CTNNA3: variants seen among roughly 807,000 people sequenced by gnomAD.
CTNNA3 encodes the protein catenin alpha-3.
A neutral mutation model predicts 95.7 loss-of-function variants in CTNNA3; 76 were observed. The ratio of observed to expected loss-of-function variants is 0.79; its 90% CI spans 0.66 to 0.96. The LOEUF is 0.96. Ranked by LOEUF, CTNNA3 falls within the 40% of genes least tolerant of loss-of-function variation. The pLI, the probability that CTNNA3 is intolerant of heterozygous loss-of-function variation, is 0.00. For missense variants in CTNNA3, 1,191 were observed against 1,089.8 expected (o/e 1.09, Z -1.31); for synonymous variants, 431 against 374.4 (o/e 1.15, Z -1.74).
rs1013813581 is a variant in CTNNA3 at position 66,550,687 on chromosome 10, G to T, written c.1375-29914C>A. Among the ~76,000 whole-genome samples the T allele has an allele frequency of 3.3e-5, 5 of 151,904 alleles. No individual in the cohort carries two copies. In the East Asian group the frequency reaches 5.8e-4, roughly 18 times the overall value. ...AGATCTACCGTTTTATTATTATTTTGTTGTTCCTCTATTCCCACTTCTTTG... is the reference window on the plus strand; with the variant it reads ...AGATCTACCGTTTTATTATTATTTTTTTGTTCCTCTATTCCCACTTCTTTG... On this transcript the variant is annotated intron_variant, in intron 10 of 17. Coordinates refer to ENST00000433211, the MANE Select transcript of CTNNA3 (RefSeq NM_013266.4).
intron 9 of CTNNA3, among the ~76,000 whole-genome samples, chr10:66,689,861 T>G (rs924528917): frequency 3.3e-5 from 5 of 152,172 alleles, no homozygotes; most frequent in African/African-American, 4.8e-5. Context: ...GCAGCTGGGA[T>G]TTCACAGTAT....
intron 7 of CTNNA3, among the ~76,000 whole-genome samples, chr10:66,845,988 C>T (rs574448946): frequency 2.6e-5 from 4 of 151,762 alleles, no homozygotes; most frequent in Admixed American, 1.3e-4. Context: ...CAAATTTAGC[C>T]GGGCATGGTG....
chr10:66,681,608 A>G (rs1157369054), intron 9 of CTNNA3, among the ~76,000 whole-genome samples: 1 of 152,166 alleles, frequency 6.6e-6, no homozygotes, highest in Admixed American at 6.6e-5. Flanking sequence ...CTCTTGTAGC[A>G]AAAGGACTTT....
At chr10:67,416,366 T>G (rs1845538618) in intron 5 of CTNNA3, among the ~76,000 whole-genome samples, 2 of 151,292 alleles carry the variant, frequency 1.3e-5, no homozygotes, top group South Asian at 4.2e-4. Context: ...CCAGCACCTT[T>G]GGGAGGCCGA....
intron 17 of CTNNA3, among the ~76,000 whole-genome samples, chr10:65,962,421 T>C (rs1901666): frequency 0.11 from 16,345 of 152,158 alleles, 1,104 homozygotes; most frequent in East Asian, 0.2. Context: ...AATTCTTTCT[T>C]CTTTTTCACC....
chr10:67,064,909 A>G (rs1267726738), intron 7 of CTNNA3, among the ~76,000 whole-genome samples: 1 of 152,204 alleles, frequency 6.6e-6, no homozygotes, highest in Non-Finnish European at 1.5e-5. Flanking sequence ...AGGAGAAAAA[A>G]GTTATATGAG....
chr10:67,421,300 G>C (rs968016956), intron 5 of CTNNA3, among the ~76,000 whole-genome samples: 1 of 152,230 alleles, frequency 6.6e-6, no homozygotes, highest in African/African-American at 2.4e-5. Context: ...CATGGATTCA[G>C]CTGTGGAGAT....
chr10:66,250,549 C>T (rs1448836137), intron 13 of CTNNA3, among the ~76,000 whole-genome samples: 4 of 152,198 alleles, frequency 2.6e-5, no homozygotes, highest in African/African-American at 9.6e-5. Flanking sequence ...TATAATCACA[C>T]CTACTATGTA....
chr10:66,392,472 A>T (rs1475107445), intron 11 of CTNNA3, among the ~76,000 whole-genome samples: 1 of 152,022 alleles, frequency 6.6e-6, no homozygotes, highest in African/African-American at 2.4e-5. Context: ...ACAGACTGGA[A>T]GATAACATTT....
chr10:66,625,586 G>C (rs1312667956), intron 9 of CTNNA3, among the ~76,000 whole-genome samples: 1 of 151,854 alleles, frequency 6.6e-6, no homozygotes, highest in African/African-American at 2.4e-5. Context: ...ACGGGGTTTC[G>C]CCATGTTGGC....
intron 17 of CTNNA3, among the ~76,000 whole-genome samples, chr10:65,924,865 C>T (rs1426831267): frequency 6.6e-6 from 1 of 152,192 alleles, no homozygotes. Context: ...TCATGTCTTA[C>T]ATGGTGGCAG....
At chr10:67,613,300 G>A (rs1430163970) in intron 2 of CTNNA3, among the ~76,000 whole-genome samples, 1 of 151,936 alleles carries the variant, frequency 6.6e-6, no homozygotes, top group Non-Finnish European at 1.5e-5. Context: ...AAGGACAGGG[G>A]CCGTGCTTGA....
At chr10:66,948,629 A>G (rs376371649) in intron 7 of CTNNA3, among the ~76,000 whole-genome samples, 1 of 152,198 alleles carries the variant, frequency 6.6e-6, no homozygotes, top group Admixed American at 6.5e-5. Context: ...TATAAAATTT[A>G]TATCTACAGG....
intron 9 of CTNNA3, among the ~76,000 whole-genome samples, chr10:66,694,115 G>C (rs1847665466): frequency 6.6e-6 from 1 of 152,220 alleles, no homozygotes; most frequent in Non-Finnish European, 1.5e-5. Flanking sequence ...TAAAATCAGA[G>C]CAGAACTGAA....
chr10:67,700,090 C>T (rs551782362), upstream of CTNNA3, among the ~76,000 whole-genome samples: 5 of 152,258 alleles, frequency 3.3e-5, no homozygotes, highest in Non-Finnish European at 7.3e-5. Flanking sequence ...CGCCATTGCC[C>T]AGGCTTGCTT....
At chr10:66,658,307 TCTCTAAAATCCTTTCCAG>T (rs1284746788) in intron 9 of CTNNA3, among the ~76,000 whole-genome samples, 3 of 152,040 alleles carry the variant, frequency 2.0e-5, no homozygotes, top group Non-Finnish European at 2.9e-5. Context: ...GATTGGATAC[TCTCTAAAATCCTTTCCAG>T]CTCTAAAATC....
intron 13 of CTNNA3, among the ~76,000 whole-genome samples, chr10:66,278,405 C>G (rs549314705): frequency 6.6e-6 from 1 of 151,482 alleles, no homozygotes; most frequent in Admixed American, 6.6e-5. Flanking sequence ...GTGAAGAACA[C>G]AAAATACTAA....
At chr10:67,612,492 A>AG (rs1178128421) in intron 2 of CTNNA3, among the ~76,000 whole-genome samples, 4 of 152,198 alleles carry the variant, frequency 2.6e-5, no homozygotes, top group Admixed American at 6.5e-5. Context: ...GCAGAGAAAA[A>AG]AATTTATTTT....
At chr10:67,424,001 C>G (rs891455073) in intron 5 of CTNNA3, among the ~76,000 whole-genome samples, 6 of 152,128 alleles carry the variant, frequency 3.9e-5, no homozygotes, top group African/African-American at 1.4e-4. Flanking sequence ...AGCATAAATG[C>G]TGTTCTAGTC....
Sources: gnomAD v4.1 joint callset for allele counts (sites outside exome capture counted in the v4.1 genomes callset) on GRCh38, gnomAD v4.1.1 for gene constraint, MANE v1.5 for transcripts, NCBI Gene and HGNC (gene_info 2026-07-23, HGNC 2026-07-21) for gene names.